TTC39C: variants seen among roughly 807,000 people sequenced by gnomAD.
TTC39C encodes the protein tetratricopeptide repeat protein 39C.
TTC39C carries 33 observed loss-of-function variants against 76.3 expected under a neutral mutation model. That is an observed-to-expected ratio of 0.43 (90% confidence interval 0.33 to 0.58). The LOEUF (loss-of-function observed/expected upper bound fraction) is 0.58. Among genes scored for constraint, TTC39C ranks in the 20% least tolerant of loss-of-function variants. The pLI is 0.04. For synonymous variants in TTC39C, 254 were observed against 260.6 expected (o/e 0.97, Z 0.24); for missense variants, 595 against 701.4 (o/e 0.85, Z 1.71).
Position 24,014,870 on chromosome 18 carries a change from CCATGGCCGG to C in TTC39C, c.1_9del (p.MetAlaGly1_?3). The C allele has an allele frequency of 7.2e-7, 1 of 1,394,582 alleles. No homozygotes were observed. Among genetic ancestry groups the C allele is most frequent in the South Asian group, 1.7e-5 (1 of 60,528 alleles). The allele number at this position is 1,394,582 out of a possible 1,614,324, so 86.4% of individuals were successfully genotyped here. On this transcript the variant is annotated start_lost and 5_prime_UTR_variant, in exon 1 of 14. Coordinates refer to ENST00000317571, the MANE Select transcript of TTC39C (RefSeq NM_001135993.2). Reference sequence around the variant, plus strand: ...CGGCCCAGCGCAGGGCCTCGCACGCCCATGGCCGGCTCGGAGCAGCAGCGGCCGCGGCGG... The same window carrying C: ...CGGCCCAGCGCAGGGCCTCGCACGCCCTCGGAGCAGCAGCGGCCGCGGCGG...
intron 1 of TTC39C, among the ~76,000 whole-genome samples, chr18:24,041,334 A>G (rs1322886487): frequency 6.6e-6 from 1 of 152,200 alleles, no homozygotes; most frequent in Non-Finnish European, 1.5e-5. Flanking sequence ...CAGGAAGAGA[A>G]AGCTGGAGGC....
At position 23,993,357 on chromosome 18, in the gene TTC39C, C is replaced by T. The variant is rs554910998; in HGVS notation, c.-17+319C>T. Among the ~76,000 whole-genome samples, 81 of 152,206 alleles carry T rather than the reference C, an allele frequency of 5.3e-4. 1 individual carries two copies. The highest frequency in any genetic ancestry group is 9.3e-4 in the Non-Finnish European group (63 of 68,040). On this transcript the variant is annotated intron_variant, in intron 1 of 13. Transcript: ENST00000304621. ...TCCCTTGGAGGGTTGGGTGTAAAGA[C>T]ATGCATTAATATCAGGTTAATAGAA...
At chr18:24,024,499 G>A (rs1181410916) in intron 1 of TTC39C, among the ~76,000 whole-genome samples, 10 of 152,162 alleles carry the variant, frequency 6.6e-5, no homozygotes, top group African/African-American at 2.4e-5. Context: ...AAATTTACCC[G>A]TAAATGTTAA....
rs181071675 is a variant in TTC39C at position 24,099,483 on chromosome 18, G to A, written c.985-15071G>A. Among the ~76,000 whole-genome samples the A allele has an allele frequency of 1.8e-4, 28 of 151,934 alleles. 1 individual carries two copies. Among genetic ancestry groups the A allele is most frequent in the Admixed American group, 5.2e-4 (8 of 15,256 alleles). ...TTCATGTATCAATTTTGTGAGGCAG[G>A]AGCATTCCATAACAATGTTATATAT... On this transcript the variant is annotated intron_variant, in intron 6 of 13. Coordinates refer to ENST00000317571, the MANE Select transcript of TTC39C (RefSeq NM_001135993.2).
chr18:23,997,638 AG>A (rs1451138097), intron 1 of TTC39C, among the ~76,000 whole-genome samples: 1 of 129,832 alleles, frequency 7.7e-6, no homozygotes, highest in East Asian at 2.5e-4. Flanking sequence ...AAAGAGAGGG[AG>A]GGAGGAAGGA....
intron 1 of TTC39C, among the ~76,000 whole-genome samples, chr18:24,030,157 T>C (rs2083649936): frequency 6.6e-6 from 1 of 152,230 alleles, no homozygotes; most frequent in African/African-American, 2.4e-5. Flanking sequence ...TTAGAAAGTC[T>C]TTTTAGTTGA....
intron 10 of TTC39C, among the ~76,000 whole-genome samples, chr18:24,126,135 T>A (rs1451072891): frequency 2.0e-5 from 3 of 152,182 alleles, no homozygotes; most frequent in South Asian, 4.1e-4. Flanking sequence ...TGCAGTGAGC[T>A]TTGATCATGC....
rs2085187637 is a variant in TTC39C at position 24,135,344 on chromosome 18, G to A, written c.*2770G>A. 1 of 152,288 alleles carries A rather than the reference G, an allele frequency of 6.6e-6. No homozygotes were observed. The highest frequency in any genetic ancestry group is 1.5e-5 in the Non-Finnish European group (1 of 68,016). 9.4% of individuals were successfully genotyped at this position (152,288 alleles called of 1,614,324 possible). A position where few individuals can be genotyped will look rare whatever the true frequency, so the allele number is the denominator to read the frequency against. On this transcript the variant is annotated 3_prime_UTR_variant, in exon 14 of 14. Coordinates refer to ENST00000317571, the MANE Select transcript of TTC39C (RefSeq NM_001135993.2). ...CTATCCTAGGCTTGGTACAGATGGC[G>A]CCTGTGGTAAATCTGTGTTAACATG...
At chr18:24,126,643 A>ATT (rs56130136) in intron 10 of TTC39C, among the ~76,000 whole-genome samples, 17 of 143,270 alleles carry the variant, frequency 1.2e-4, no homozygotes, top group Non-Finnish European at 1.7e-4. Context: ...GTTCTTTTTA[A>ATT]TTTTTTTTTT....
intron 1 of TTC39C, among the ~76,000 whole-genome samples, chr18:24,001,937 T>C (rs1268465004): frequency 6.6e-6 from 1 of 151,016 alleles, no homozygotes; most frequent in Non-Finnish European, 1.5e-5. Flanking sequence ...GCCATTCTCC[T>C]GCCTCAGCCT....
At chr18:24,039,447 T>A (rs2083767295) in intron 1 of TTC39C, among the ~76,000 whole-genome samples, 1 of 152,224 alleles carries the variant, frequency 6.6e-6, no homozygotes, top group Admixed American at 6.5e-5. Flanking sequence ...GAACCATGGA[T>A]TTTACCCTTT....
intron 1 of TTC39C, among the ~76,000 whole-genome samples, chr18:24,042,554 C>T (rs1019132680): frequency 6.6e-5 from 10 of 152,144 alleles, no homozygotes; most frequent in African/African-American, 1.7e-4. Context: ...ATGGACCCTG[C>T]GACCCAGGGG....
chr18:24,036,693 T>C (rs564931166), intron 1 of TTC39C, among the ~76,000 whole-genome samples: 2 of 152,298 alleles, frequency 1.3e-5, no homozygotes, highest in African/African-American at 4.8e-5. Context: ...TGCAGTGGCA[T>C]GATCACAGTC....
At chr18:24,072,027 G>A (rs888691914) in intron 4 of TTC39C, among the ~76,000 whole-genome samples, 2 of 152,160 alleles carry the variant, frequency 1.3e-5, no homozygotes, top group African/African-American at 4.8e-5. Flanking sequence ...AACCAACAAT[G>A]TGCTCTATTT....
chr18:24,090,730 G>A (rs184093979), intron 6 of TTC39C, among the ~76,000 whole-genome samples: 17 of 150,704 alleles, frequency 1.1e-4, no homozygotes, highest in East Asian at 5.8e-4. Context: ...AGTGTGGTAC[G>A]AGCATAAGAA....
At chr18:24,094,678 G>T (rs546790904) in intron 6 of TTC39C, among the ~76,000 whole-genome samples, 2 of 152,352 alleles carry the variant, frequency 1.3e-5, no homozygotes, top group East Asian at 3.9e-4. Flanking sequence ...TTATCAGTAA[G>T]CAGCAATGCT....
chr18:24,106,728 G>A (rs958592466), intron 6 of TTC39C, among the ~76,000 whole-genome samples: 4 of 152,168 alleles, frequency 2.6e-5, no homozygotes, highest in Admixed American at 2.0e-4. Context: ...GTCTGGCTCT[G>A]TCACCCAGTG....
chr18:24,045,908 TATATATATATATATA>T lies in TTC39C; in HGVS notation c.168-18231_168-18217del, dbSNP rs1249374978. Among the ~76,000 whole-genome samples the T allele has an allele frequency of 4.1e-3, 157 of 38,472 alleles. 1 individual carries two copies. The highest frequency in any genetic ancestry group is 0.024 in the East Asian group (33 of 1,394). The allele number at this position is 38,472 out of a possible 152,430, so 25.2% of individuals were successfully genotyped here. A position where few individuals can be genotyped will look rare whatever the true frequency, so the allele number is the denominator to read the frequency against. ...TTCTGTGAAAATATATATATATATA[TATATATATATATATA>T]TATATTTTTTTTTTTTTTTTTTTTT... On this transcript the variant is annotated intron_variant, in intron 1 of 13. Transcript: ENST00000317571.
rs938278393 is a variant in TTC39C at position 24,113,709 on chromosome 18, T to A, written c.985-845T>A. 1.0e-5 allele frequency: 7 copies of A among 702,166 alleles called. No homozygotes were observed. The Admixed American group carries it at 1.4e-4, about 14-fold the overall frequency. 43.5% of individuals were successfully genotyped at this position (702,166 alleles called of 1,614,324 possible). ...TTCTCAATGCCTAAGATTAAACTGA[T>A]GCTTTGAATCCTGATCATGCTTTTG... On this transcript the variant is annotated intron_variant, in intron 6 of 13. Transcript: ENST00000317571.
Sources: gnomAD v4.1 joint callset for allele counts (sites outside exome capture counted in the v4.1 genomes callset) on GRCh38, gnomAD v4.1.1 for gene constraint, MANE v1.5 for transcripts, NCBI Gene and HGNC (gene_info 2026-07-23, HGNC 2026-07-21) for gene names.